Variants in GPATCH1 observed in about 807,000 individuals in gnomAD.
GPATCH1 encodes G-patch domain containing 1.
A neutral mutation model predicts 114.9 loss-of-function variants in GPATCH1; 73 were observed. That is an observed-to-expected ratio of 0.64 (90% CI 0.53 to 0.77). The LOEUF (loss-of-function observed/expected upper bound fraction) is 0.77, where lower values mean the gene tolerates loss of function less well. Ranked by LOEUF, GPATCH1 falls within the 30% of genes least tolerant of loss-of-function variation. GPATCH1 has a pLI of 0.00. For missense variants in GPATCH1, 1,058 were observed against 1,144.3 expected (o/e 0.92, Z 1.09); for synonymous variants, 391 against 428.4 (o/e 0.91, Z 1.08).
chr19:33,120,234 T>C (rs1460781887), intron 17 of GPATCH1, among the ~76,000 whole-genome samples: 1 of 143,068 alleles, frequency 7.0e-6, no homozygotes, highest in Non-Finnish European at 1.5e-5. Context: ...AGATATTTTA[T>C]AAATTTTAAT....
intron 1 of GPATCH1, among the ~76,000 whole-genome samples, chr19:33,082,096 C>T (rs1972484662): frequency 8.5e-6 from 1 of 117,962 alleles, no homozygotes; most frequent in Non-Finnish European, 1.8e-5. Flanking sequence ...AAAAAGAGGT[C>T]AGGAGATGAT....
At chr19:33,129,464 A>C (rs1486174413) in intron 19 of GPATCH1, among the ~76,000 whole-genome samples, 2 of 151,920 alleles carry the variant, frequency 1.3e-5, no homozygotes, top group Non-Finnish European at 2.9e-5. Context: ...CCTGGAGTGA[A>C]TGTATTTTAG....
chr19:33,126,737 G>C lies in GPATCH1; in HGVS notation c.2765+4G>C. 1 of 1,603,892 alleles carries C rather than the reference G, an allele frequency of 6.2e-7. No individual in the cohort carries two copies. The highest frequency in any genetic ancestry group is 1.1e-5 in the South Asian group (1 of 89,710). ...CGCCCCAGGAGCTGCTGAGACGGTG[G>C]GTAGTGGGAGATGGAGGGTTTTTCA... On this transcript the variant is annotated splice_donor_region_variant and intron_variant, in intron 19 of 19. Transcript: ENST00000170564.
chr19:33,082,538 C>T (rs10427139), intron 1 of GPATCH1, among the ~76,000 whole-genome samples: 29,903 of 152,034 alleles, frequency 0.2, 4,249 homozygotes, highest in African/African-American at 0.39. Context: ...CTTCTACCCT[C>T]GGCTTACAAA....
In GPATCH1 at chr19:33,093,382, A is replaced by G. The variant is rs777808213; in HGVS notation, c.318A>G (p.Ala106=). 17 of 1,612,894 alleles carry G rather than the reference A, an allele frequency of 1.1e-5. No individual in the cohort carries two copies. The highest frequency in any genetic ancestry group is 1.3e-5 in the Non-Finnish European group (15 of 1,179,032). The change falls in exon 4 of 20, where the codon GCA becomes GCG. Residue 106 remains alanine, a synonymous_variant. Coordinates refer to ENST00000170564, the MANE Select transcript of GPATCH1 (RefSeq NM_018025.3). ...AGGATCTTAGTGAATTTGGGATAGC[A>G]CCTAAAGCGATTGTCACCACAGACG... The part of the protein sequence containing the change: ...DEEDLSEFGI[A]PKAIVTTDDF...
intron 17 of GPATCH1, among the ~76,000 whole-genome samples, chr19:33,120,203 T>G (rs1972964557): frequency 1.4e-5 from 2 of 140,352 alleles, no homozygotes; most frequent in African/African-American, 2.6e-5. Context: ...TTAAAATATA[T>G]TCATATAAAT....
intron 15 of GPATCH1, among the ~76,000 whole-genome samples, chr19:33,116,944 C>T (rs1374940814): frequency 3.3e-5 from 5 of 152,018 alleles, no homozygotes; most frequent in Admixed American, 2.6e-4. Flanking sequence ...TCTATAATCC[C>T]AGCACTTTGG....
At chr19:33,116,409 C>A (rs1972916446) in intron 15 of GPATCH1, among the ~76,000 whole-genome samples, 1 of 152,194 alleles carries the variant, frequency 6.6e-6, no homozygotes, top group Non-Finnish European at 1.5e-5. Context: ...TTCTTTTAGA[C>A]CAGTTCCAAC....
At chr19:33,099,081 A>G (rs1972696107) in intron 8 of GPATCH1, among the ~76,000 whole-genome samples, 1 of 148,192 alleles carries the variant, frequency 6.7e-6, no homozygotes, top group African/African-American at 2.5e-5. Context: ...TTAATACTAT[A>G]TTATAATCAA....
chr19:33,128,972 G>C (rs1400100947), intron 19 of GPATCH1, among the ~76,000 whole-genome samples: 1 of 152,130 alleles, frequency 6.6e-6, no homozygotes, highest in Non-Finnish European at 1.5e-5. Flanking sequence ...TTTAGGCCAG[G>C]TGCGGTATCT....
intron 8 of GPATCH1, among the ~76,000 whole-genome samples, chr19:33,098,320 A>C (rs1972687399): frequency 1.3e-5 from 2 of 152,236 alleles, no homozygotes; most frequent in Non-Finnish European, 2.9e-5. Context: ...AGCCTGCAGC[A>C]AGATGGAGCT....
chr19:33,115,714 A>C (rs568793045), intron 15 of GPATCH1, among the ~76,000 whole-genome samples: 18 of 150,800 alleles, frequency 1.2e-4, no homozygotes, highest in Non-Finnish European at 2.2e-4. Flanking sequence ...GGCTGGTCTT[A>C]AACTCTTGAC....
chr19:33,100,412 A>G (rs1972712050), intron 8 of GPATCH1: 1 of 151,610 alleles, frequency 6.6e-6, no homozygotes, highest in Non-Finnish European at 1.5e-5. Context: ...ACATGGTAAA[A>G]CCTCGTCTCT....
intron 3 of GPATCH1, among the ~76,000 whole-genome samples, chr19:33,091,413 CAAAA>C (rs1184888892): frequency 4.5e-5 from 2 of 44,940 alleles, no homozygotes; most frequent in Non-Finnish European, 8.8e-5. Context: ...GACTCCGTCT[CAAAA>C]AAAAAAAAAA....
chr19:33,094,156 T>C lies in GPATCH1; in HGVS notation c.456-16T>C, dbSNP rs763141219. ...GTTATTTTGAAAAGTTCATTTTCAA[T>C]GCCTTGCTATCCTAGATTATCTGTT... On this transcript the variant is annotated splice_polypyrimidine_tract_variant and intron_variant, in intron 4 of 19. Coordinates refer to ENST00000170564, the MANE Select transcript of GPATCH1 (RefSeq NM_018025.3). 3 of 1,329,180 alleles carry C rather than the reference T, an allele frequency of 2.3e-6. No homozygotes were observed. Among genetic ancestry groups the C allele is most frequent in the Non-Finnish European group, 3.3e-6 (3 of 921,518 alleles). The allele number at this position is 1,329,180 out of a possible 1,614,324, so 82.3% of individuals were successfully genotyped here.
chr19:33,118,094 G>C, intron 16 of GPATCH1, 53 bp downstream of exon 16: 2 of 1,177,140 alleles, frequency 1.7e-6, no homozygotes, highest in Non-Finnish European at 2.5e-6. Flanking sequence ...ATGACTCTAG[G>C]ACAGCTGCTT....
In GPATCH1 at chr19:33,083,740, A is replaced by G. The variant is rs537548258; in HGVS notation, c.73+2474A>G. 4.6e-5 allele frequency among the ~76,000 whole-genome samples: 7 copies of G among 151,976 alleles called. No individual in the cohort carries two copies. The South Asian group carries it at 1.5e-3, about 32-fold the overall frequency. On this transcript the variant is annotated intron_variant, in intron 1 of 19. Transcript: ENST00000170564. ...GGAAGGAAAGGACATGGATTTGTAGACTTTGTTTTTCTGGACTAAAAACAT... is the reference window on the plus strand; with the variant it reads ...GGAAGGAAAGGACATGGATTTGTAGGCTTTGTTTTTCTGGACTAAAAACAT...
In GPATCH1 at chr19:33,096,249, C is replaced by G. The variant is rs1307055775; in HGVS notation, c.655C>G (p.Pro219Ala). ...CTTGCCTGATAATGTGACCTTTGCA[C>G]CCAAAGATGTCACACCTGTGGATTT... ...DYLPDNVTFA[P>A]KDVTPVDFTP... The change falls in exon 7 of 20, where the codon CCC becomes GCC. Residue 219 changes from proline (P) to alanine (A), a missense_variant. Physicochemically the swap from Pro to Ala is conservative, Grantham distance 27. This residue lies in a region of GPATCH1 where 893 missense variants were observed against 977.4 expected (regional missense o/e 0.91). Transcript: ENST00000170564. 1 of 1,612,678 alleles carries G rather than the reference C, an allele frequency of 6.2e-7. No homozygotes were observed. The highest frequency in any genetic ancestry group is 1.3e-5 in the African/African-American group (1 of 74,880).
chr19:33,104,876 C>A (rs1299232080), intron 9 of GPATCH1, among the ~76,000 whole-genome samples: 1 of 152,046 alleles, frequency 6.6e-6, no homozygotes, highest in Admixed American at 6.6e-5. Context: ...AAATAACAAA[C>A]ACGTGTGGAT....
Sources: allele counts gnomAD v4.1 joint callset (sites outside exome capture counted in the v4.1 genomes callset), GRCh38; gene constraint gnomAD v4.1.1; regional missense constraint gnomAD v4.1.1; transcripts MANE v1.5; gene names NCBI Gene and HGNC (gene_info 2026-07-23, HGNC 2026-07-21).